Variants in CELF2 observed in about 807,000 individuals in gnomAD.
CELF2 encodes the protein CUG triplet repeat RNA-binding protein 2.
CELF2 carries 8 observed loss-of-function variants against 62.6 expected under a neutral mutation model. The ratio of observed to expected loss-of-function variants is 0.13; its 90% CI spans 0.07 to 0.23. The LOEUF (loss-of-function observed/expected upper bound fraction) is 0.23, where lower values mean the gene tolerates loss of function less well. CELF2 is among the 10% of genes least tolerant of loss of function. The pLI, the probability that CELF2 is intolerant of heterozygous loss-of-function variation, is 1.00. For synonymous variants in CELF2, 258 were observed against 250.0 expected (o/e 1.03, Z -0.30); for missense variants, 333 against 671.0 (o/e 0.50, Z 5.56).
At position 11,336,657 on chromosome 10, in the gene CELF2, A is replaced by T. The variant is rs1286266953; in HGVS notation, c.*7604A>T. ...GGCTTTATGACTTAATATTCAATAA[A>T]TTGACTTTGGAAACAAAAGTTCTCC... On this transcript the variant is annotated 3_prime_UTR_variant, in exon 13 of 13. Coordinates refer to ENST00000633077, the MANE Select transcript of CELF2 (RefSeq NM_001326342.2). The surrounding 1 kb of genome is among the most constrained non-coding windows in gnomAD (Gnocchi z 5.4). 1 of 152,636 alleles carries T rather than the reference A, an allele frequency of 6.6e-6. No homozygotes were observed. The highest frequency in any genetic ancestry group is 1.5e-5 in the Non-Finnish European group (1 of 68,038). 9.5% of individuals were successfully genotyped at this position (152,636 alleles called of 1,614,324 possible).
intron 2 of CELF2, among the ~76,000 whole-genome samples, chr10:11,198,580 TTC>T (rs2058518758): frequency 6.6e-6 from 1 of 152,252 alleles, no homozygotes; most frequent in Admixed American, 6.5e-5. Flanking sequence ...TTTTCTTTTG[TTC>T]TGAAAGCAGT....
rs137888295 is a variant in CELF2 at position 10,804,466 on chromosome 10, C to T, written c.53+5649C>T. ...TGGAGGGATGCTTTCAAATCTCATA[C>T]GACAAGGCAAATATCAAAAACTAGT... On this transcript the variant is annotated intron_variant, in intron 1 of 13. Coordinates refer to the CELF2 transcript ENST00000636488. Among the ~76,000 whole-genome samples the T allele has an allele frequency of 6.2e-3, 945 of 152,274 alleles. 9 individuals are homozygous for T. Among genetic ancestry groups the T allele is most frequent in the African/African-American group, 0.022 (908 of 41,560 alleles).
chr10:10,716,031 A>G, the CELF2 span, among the ~76,000 whole-genome samples: 2 of 152,184 alleles, frequency 1.3e-5, no homozygotes, highest in African/African-American at 4.8e-5. Flanking sequence ...AGTTAGAAAA[A>G]TTCTATTTGA....
chr10:10,687,547 T>C, the CELF2 span, among the ~76,000 whole-genome samples: 1 of 152,310 alleles, frequency 6.6e-6, no homozygotes, highest in African/African-American at 2.4e-5. Context: ...ATAAATTACT[T>C]CTTAATAACA....
At chr10:11,063,117 C>T (rs1462585790) in intron 1 of CELF2, among the ~76,000 whole-genome samples, 1 of 152,188 alleles carries the variant, frequency 6.6e-6, no homozygotes, top group African/African-American at 2.4e-5. Context: ...AATAGGTTTG[C>T]TGCAGTATAG....
At chr10:10,987,025 C>T (rs1185450173) in intron 2 of CELF2, among the ~76,000 whole-genome samples, 1 of 152,074 alleles carries the variant, frequency 6.6e-6, no homozygotes, top group Admixed American at 6.5e-5. Flanking sequence ...GAGATTTATC[C>T]GAAAGTCAGG....
chr10:10,737,640 T>A, the CELF2 span, among the ~76,000 whole-genome samples: 4 of 152,044 alleles, frequency 2.6e-5, no homozygotes, highest in South Asian at 2.1e-4. Context: ...CTGAATCCCC[T>A]TTGCTCTGAA....
chr10:11,026,339 G>A (rs922284036), intron 1 of CELF2, among the ~76,000 whole-genome samples: 12 of 152,228 alleles, frequency 7.9e-5, no homozygotes, highest in African/African-American at 2.2e-4. Context: ...CCCGGAAGTG[G>A]GTAAATTGGT....
At chr10:10,784,733 GCAACTTTTGGGCA>G in the CELF2 span, 1 of 152,190 alleles carries the variant, frequency 6.6e-6, no homozygotes, top group African/African-American at 2.4e-5. Flanking sequence ...GGGGCAAAAG[GCAACTTTTGGGCA>G]CAAAAACAGG....
chr10:10,739,147 C>G, the CELF2 span, among the ~76,000 whole-genome samples: 1 of 151,726 alleles, frequency 6.6e-6, no homozygotes, highest in Admixed American at 6.6e-5. Context: ...CTGACGATAA[C>G]AAAAATGATA....
At position 11,056,423 on chromosome 10, in the gene CELF2, A is replaced by G. The variant is rs552156474; in HGVS notation, c.74+38260A>G. Reference sequence around the variant, plus strand: ...AATCAATCAGGTAATAATTTATTACACTTGCATGAGCTTTTCAACACTGAT... The same window carrying G: ...AATCAATCAGGTAATAATTTATTACGCTTGCATGAGCTTTTCAACACTGAT... On this transcript the variant is annotated intron_variant, in intron 1 of 12. Coordinates refer to ENST00000633077, the MANE Select transcript of CELF2 (RefSeq NM_001326342.2). 4.6e-5 allele frequency among the ~76,000 whole-genome samples: 7 copies of G among 152,376 alleles called. No individual in the cohort carries two copies. In the South Asian group the frequency reaches 1.4e-3, roughly 32 times the overall value.
the CELF2 span, among the ~76,000 whole-genome samples, chr10:10,548,837 A>C: frequency 6.6e-6 from 1 of 152,232 alleles, no homozygotes; most frequent in African/African-American, 2.4e-5. Context: ...AGAGCAATAC[A>C]TAGCAATGTG....
the CELF2 span, among the ~76,000 whole-genome samples, chr10:10,558,212 A>G: frequency 6.6e-6 from 1 of 152,202 alleles, no homozygotes; most frequent in Admixed American, 6.5e-5. Context: ...GCGTCCCATC[A>G]ATACCTAATT....
rs917623471 is a variant in CELF2 at position 10,938,838 on chromosome 10, G to A, written c.89+18839G>A. On this transcript the variant is annotated intron_variant, in intron 2 of 13. Transcript: ENST00000636488. This position sits in a 1 kb window ranked among gnomAD's most constrained non-coding sequence, Gnocchi z 4.2. Reference sequence around the variant, plus strand: ...GTGAAGCACTGCCCCACCGAGGGACGCAGAAGCAGCTGTCTTTTTCCATCT... The same window carrying A: ...GTGAAGCACTGCCCCACCGAGGGACACAGAAGCAGCTGTCTTTTTCCATCT... Among the ~76,000 whole-genome samples, 1 of 152,210 alleles carries A rather than the reference G, an allele frequency of 6.6e-6. No individual in the cohort carries two copies. The highest frequency in any genetic ancestry group is 2.4e-5 in the African/African-American group (1 of 41,450).
rs1246653338 is a variant in CELF2 at position 11,110,215 on chromosome 10, A to G, written c.75-55271A>G. Among the ~76,000 whole-genome samples the G allele has an allele frequency of 3.3e-5, 5 of 152,190 alleles. No homozygotes were observed. The highest frequency in any genetic ancestry group is 1.2e-4 in the African/African-American group (5 of 41,440). ...CTTGAGCCTGAGAGGTCAAGGCTGC[A>G]TGGAACCCTGAACGTCCTACCGCAC... is the stretch of plus-strand genomic sequence containing the variant. On this transcript the variant is annotated intron_variant, in intron 1 of 12. Transcript: ENST00000633077. This position sits in a 1 kb window ranked among gnomAD's most constrained non-coding sequence, Gnocchi z 4.0.
chr10:10,518,678 A>G, the CELF2 span, among the ~76,000 whole-genome samples: 1 of 152,012 alleles, frequency 6.6e-6, no homozygotes, highest in African/African-American at 2.4e-5. Context: ...CAATTTTTTA[A>G]TGGTGGACAT....
chr10:11,250,520 A>G (rs1321000230), intron 4 of CELF2, among the ~76,000 whole-genome samples: 2 of 152,134 alleles, frequency 1.3e-5, no homozygotes, highest in Non-Finnish European at 2.9e-5. Flanking sequence ...TGGCCCTGTG[A>G]GTGAGCCACG....
the CELF2 span, among the ~76,000 whole-genome samples, chr10:10,707,905 C>A: frequency 6.6e-6 from 1 of 152,010 alleles, no homozygotes; most frequent in East Asian, 1.9e-4. Flanking sequence ...CTAATCCCTA[C>A]AAGGTGAAAT....
rs1427293235 is a variant in CELF2 at position 11,110,751 on chromosome 10, A to C, written c.75-54735A>C. Among the ~76,000 whole-genome samples, 1 of 152,104 alleles carries C rather than the reference A, an allele frequency of 6.6e-6. No individual in the cohort carries two copies. Among genetic ancestry groups the C allele is most frequent in the African/African-American group, 2.4e-5 (1 of 41,418 alleles). The stretch of plus-strand genomic sequence containing the variant: ...CCTTTCTTCTGGAATTCCAGAGTAC[A>C]GTGTGCCCACGGGAGGCCTCATCCG... On this transcript the variant is annotated intron_variant, in intron 1 of 12. Transcript: ENST00000633077. The surrounding 1 kb of genome is among the most constrained non-coding windows in gnomAD (Gnocchi z 4.0).
Sources: allele counts gnomAD v4.1 joint callset (sites outside exome capture counted in the v4.1 genomes callset), GRCh38; gene constraint gnomAD v4.1.1; non-coding constraint Gnocchi (gnomAD v3.1); transcripts MANE v1.5; gene names NCBI Gene and HGNC (gene_info 2026-07-23, HGNC 2026-07-21).